Variants in NKAIN3 observed in about 807,000 individuals in gnomAD.
NKAIN3 encodes the protein sodium/potassium transporting ATPase interacting 3, also known as sodium/potassium-transporting ATPase subunit beta-1-interacting protein 3.
Under a neutral mutation model 30.2 loss-of-function variants are expected in NKAIN3, and 25 were observed. That is an observed-to-expected ratio of 0.83 (90% CI 0.60 to 1.16). NKAIN3 has a LOEUF of 1.16. Ranked by LOEUF, NKAIN3 falls within the 50% of genes most tolerant of loss-of-function variation. NKAIN3 has a pLI of 0.00. For missense variants in NKAIN3, 225 were observed against 254.1 expected (o/e 0.89, Z 0.78); for synonymous variants, 91 against 89.6 (o/e 1.02, Z -0.09).
chr8:62,942,365 T>C (rs1448100790), intron 5 of NKAIN3, among the ~76,000 whole-genome samples: 1 of 150,110 alleles, frequency 6.7e-6, no homozygotes, highest in Non-Finnish European at 1.5e-5. Context: ...TGCAAAACAT[T>C]GCTGAAAGAA....
chr8:62,671,766 GT>G (rs1391652579), intron 3 of NKAIN3, among the ~76,000 whole-genome samples: 2 of 151,598 alleles, frequency 1.3e-5, no homozygotes, highest in African/African-American at 2.4e-5. Flanking sequence ...ATTTGTCTTG[GT>G]TTTTTTTCCT....
intron 4 of NKAIN3, chr8:62,863,553 G>A (rs1820322065): frequency 8.2e-7 from 1 of 1,225,482 alleles, no homozygotes. Flanking sequence ...TGGTGGCCAA[G>A]TACTCCCAAG....
chr8:62,648,504 G>A (rs1248045381), intron 3 of NKAIN3, among the ~76,000 whole-genome samples: 5 of 152,146 alleles, frequency 3.3e-5, no homozygotes, highest in Admixed American at 3.3e-4. Flanking sequence ...TGGCAGGATA[G>A]AGGAAATAGA....
intron 5 of NKAIN3, among the ~76,000 whole-genome samples, chr8:62,920,180 CTGAA>C (rs1234145819): frequency 6.6e-6 from 1 of 152,120 alleles, no homozygotes; most frequent in African/African-American, 2.4e-5. Flanking sequence ...GGAATTTGAG[CTGAA>C]TAAGTCAAAA....
chr8:62,321,625 C>T (rs937942025), intron 1 of NKAIN3, among the ~76,000 whole-genome samples: 12 of 152,230 alleles, frequency 7.9e-5, no homozygotes, highest in Admixed American at 2.6e-4. Context: ...GTATCAGCAG[C>T]GGAGGCTGCA....
intron 4 of NKAIN3, among the ~76,000 whole-genome samples, chr8:62,819,716 C>T (rs1420430174): frequency 6.6e-6 from 1 of 152,000 alleles, no homozygotes. Context: ...AAAAAAATCA[C>T]TCTGCCTTCT....
intron 1 of NKAIN3, among the ~76,000 whole-genome samples, chr8:62,542,113 A>G (rs1808864881): frequency 6.6e-6 from 1 of 152,192 alleles, no homozygotes; most frequent in Admixed American, 6.5e-5. Flanking sequence ...CCCTGAGAGT[A>G]AAAACACAAA....
At chr8:62,283,287 T>C (rs1021849414) in intron 1 of NKAIN3, among the ~76,000 whole-genome samples, 10 of 152,166 alleles carry the variant, frequency 6.6e-5, no homozygotes, top group Admixed American at 2.6e-4. Flanking sequence ...GCTATTTTTT[T>C]TTTTGAGTTT....
intron 5 of NKAIN3, among the ~76,000 whole-genome samples, chr8:62,921,820 G>A (rs990456134): frequency 7.2e-5 from 11 of 152,164 alleles, no homozygotes; most frequent in African/African-American, 2.7e-4. Flanking sequence ...TGCTGAAAAT[G>A]AACTTGAGGA....
chr8:62,880,833 C>T (rs535575912), intron 4 of NKAIN3, among the ~76,000 whole-genome samples: 91 of 152,270 alleles, frequency 6.0e-4, no homozygotes, highest in African/African-American at 2.1e-3. Context: ...CAAGCATACA[C>T]GTGCTGAAAC....
chr8:62,983,308 G>A lies in NKAIN3; in HGVS notation c.*17901G>A, dbSNP rs1462740463. The A allele has an allele frequency of 6.6e-6, 1 of 152,032 alleles. No homozygotes were observed. The highest frequency in any genetic ancestry group is 2.4e-5 in the African/African-American group (1 of 41,398). The allele number at this position is 152,032 out of a possible 1,614,324, so 9.4% of individuals were successfully genotyped here. On this transcript the variant is annotated 3_prime_UTR_variant, in exon 7 of 7. Coordinates refer to ENST00000623646, the MANE Select transcript of NKAIN3 (RefSeq NM_001304533.3). ...GGTGAAGAGGTGTATTAACCCTCAA[G>A]GCCCTAAGAAAATCCCCAATAGGGC...
chr8:62,583,656 G>A (rs1329049720), intron 2 of NKAIN3, among the ~76,000 whole-genome samples: 1 of 152,180 alleles, frequency 6.6e-6, no homozygotes, highest in Non-Finnish European at 1.5e-5. Context: ...GCCTGTGATT[G>A]TTAGGTTCAA....
chr8:62,920,049 G>A (rs557219367), intron 5 of NKAIN3, among the ~76,000 whole-genome samples: 9 of 152,230 alleles, frequency 5.9e-5, no homozygotes, highest in Non-Finnish European at 8.8e-5. Flanking sequence ...CAACCTGATG[G>A]AGTTAATATA....
chr8:62,391,741 G>A (rs1216072186), intron 1 of NKAIN3, among the ~76,000 whole-genome samples: 3 of 151,964 alleles, frequency 2.0e-5, no homozygotes, highest in East Asian at 1.9e-4. Context: ...AATAAGAAAC[G>A]TTATCTAAGT....
At chr8:62,644,441 T>A (rs979905087) in intron 3 of NKAIN3, among the ~76,000 whole-genome samples, 2 of 152,106 alleles carry the variant, frequency 1.3e-5, no homozygotes, top group African/African-American at 2.4e-5. Flanking sequence ...AGTGTTTTTT[T>A]TAAGCCTTTC....
rs144634609 is a variant in NKAIN3 at position 62,389,149 on chromosome 8, A to G, written c.54+140022A>G. On this transcript the variant is annotated intron_variant, in intron 1 of 6. Coordinates refer to ENST00000623646, the MANE Select transcript of NKAIN3 (RefSeq NM_001304533.3). Reference sequence around the variant, plus strand: ...GCAGCCTGAATAGAACTTCATCTACAGGAAAATAAGAGCTGCAATGTCATA... The same window carrying G: ...GCAGCCTGAATAGAACTTCATCTACGGGAAAATAAGAGCTGCAATGTCATA... Among the ~76,000 whole-genome samples the G allele has an allele frequency of 1.4e-3, 212 of 152,316 alleles. 2 individuals are homozygous for G. Among genetic ancestry groups the G allele is most frequent in the African/African-American group, 5.0e-3 (206 of 41,560 alleles).
At chr8:62,993,225 G>A (rs759787020) in intron 5 of NKAIN3, among the ~76,000 whole-genome samples, 5 of 152,094 alleles carry the variant, frequency 3.3e-5, no homozygotes, top group Non-Finnish European at 5.9e-5. Flanking sequence ...CAGAAAAACA[G>A]GATCTAGCTG....
chr8:62,370,815 C>A (rs529733583), intron 1 of NKAIN3, among the ~76,000 whole-genome samples: 1 of 152,026 alleles, frequency 6.6e-6, no homozygotes. Context: ...GGACTTGGAG[C>A]AGACCCAGAA....
At chr8:62,877,044 G>C (rs1254471887) in intron 4 of NKAIN3, among the ~76,000 whole-genome samples, 2 of 151,812 alleles carry the variant, frequency 1.3e-5, no homozygotes, top group African/African-American at 4.8e-5. Context: ...TGCCTTGAAG[G>C]GGTCAATTAG....
Sources: allele counts gnomAD v4.1 joint callset (sites outside exome capture counted in the v4.1 genomes callset), GRCh38; gene constraint gnomAD v4.1.1; transcripts MANE v1.5; gene names NCBI Gene and HGNC (gene_info 2026-07-23, HGNC 2026-07-21).